The following SLU7 variants were observed in gnomAD, a reference collection of about 807,000 sequenced individuals.
SLU7 encodes spliceosome associated SLU7.
SLU7 carries 60 observed loss-of-function variants against 87.0 expected under a neutral mutation model. The observed-to-expected ratio is 0.69, with a 90% CI of 0.56 to 0.86. SLU7 has a LOEUF of 0.86. SLU7 is among the 40% of genes least tolerant of loss of function. The pLI is 0.00. For missense variants in SLU7, 507 were observed against 686.6 expected, an observed-to-expected ratio of 0.74 and a Z score of 2.92; for synonymous variants, 197 against 222.0, an observed-to-expected ratio of 0.89 and a Z score of 1.00.
At chr5:160,413,817 A>T in intron 4 of SLU7, 82 bp downstream of exon 4, 1 of 1,119,654 alleles carries the variant, frequency 8.9e-7, no homozygotes, top group Non-Finnish European at 1.3e-6. Flanking sequence ...AGGTGATTTC[A>T]GAAAAAGAGA....
intron 1 of SLU7, 72 bp from the exon 2 acceptor site, chr5:160,415,382 C>T (rs1020471792): frequency 2.7e-6 from 3 of 1,130,134 alleles, no homozygotes; most frequent in Non-Finnish European, 3.7e-6. Context: ...AAAAATACAT[C>T]CTAATAATAT....
rs1310747201 is a variant in SLU7, at chr5:160,404,448, A to G, written c.1573T>C (p.Leu525=). Residue 525 remains leucine, a synonymous_variant, in exon 15 of 16, where the codon TTG becomes CTG. Coordinates refer to ENST00000297151, the MANE Select transcript of SLU7 (RefSeq NM_006425.5). ...TAGACTTCACAAATTACCTTTTTCA[A>G]TTTTTCATGCTTCTTTTCTTCATCA... is the stretch of plus-strand genomic sequence containing the variant. ...SDDEEKKHEK[L]KKALNAEEAR... 4.4e-6 allele frequency: 7 copies of G among 1,576,368 alleles called. No homozygotes were observed. The Admixed American group carries it at 1.3e-4, about 28-fold the overall frequency.
intron 2 of SLU7, among the ~76,000 whole-genome samples, chr5:160,414,873 A>C (rs1299010963): frequency 6.6e-6 from 1 of 152,224 alleles, no homozygotes; most frequent in Non-Finnish European, 1.5e-5. Context: ...CTCAAAATAG[A>C]AAGATTTCAT....
At position 160,418,141 on chromosome 5, in the gene SLU7, T is replaced by C. The variant is rs1765535428; in HGVS notation, c.-17+882A>G. ...ACATATATTTGTGTAACATATAAAC[T>C]GATGGCCTAAATATACTGCGAAGAG... On this transcript the variant is annotated intron_variant, in intron 1 of 15. Transcript: ENST00000297151. 2.0e-5 allele frequency among the ~76,000 whole-genome samples: 3 copies of C among 152,210 alleles called. No homozygotes were observed. The South Asian group carries it at 6.2e-4, about 32-fold the overall frequency.
chr5:160,412,544 AAGAAAG>A, intron 5 of SLU7, 25 bp from the exon 6 acceptor site: 3 of 1,376,084 alleles, frequency 2.2e-6, no homozygotes, highest in Non-Finnish European at 2.0e-6. Flanking sequence ...AAAAGAAAGA[AAGAAAG>A]AAAAAGTAAA....
intron 6 of SLU7, among the ~76,000 whole-genome samples, chr5:160,409,293 A>G (rs1765137894): frequency 6.6e-6 from 1 of 152,186 alleles, no homozygotes; most frequent in South Asian, 2.1e-4. Context: ...TCCTTGTCAC[A>G]AGGATACACT....
At chr5:160,416,624 C>G (rs1233755112) in intron 1 of SLU7, among the ~76,000 whole-genome samples, 1 of 152,206 alleles carries the variant, frequency 6.6e-6, no homozygotes, top group African/African-American at 2.4e-5. Context: ...ATCCCTACAT[C>G]TATCTCATCA....
chr5:160,418,851 T>C (rs1173916172), intron 1 of SLU7, 172 bp downstream of exon 1: 1 of 152,224 alleles, frequency 6.6e-6, no homozygotes, highest in Non-Finnish European at 1.5e-5. Flanking sequence ...AGGGCACGAG[T>C]GCCATGAATG....
chr5:160,406,093 G>A (rs1156690829), intron 12 of SLU7, among the ~76,000 whole-genome samples: 5 of 152,090 alleles, frequency 3.3e-5, no homozygotes, highest in South Asian at 2.1e-4. Flanking sequence ...GTGATACAGC[G>A]TTTATGGATA....
chr5:160,410,442 T>G (rs1028141442), intron 6 of SLU7, among the ~76,000 whole-genome samples: 11 of 152,110 alleles, frequency 7.2e-5, no homozygotes, highest in African/African-American at 2.4e-4. Flanking sequence ...CGGGGAGAGA[T>G]AGCATTAGGA....
In SLU7 at chr5:160,407,407, A is replaced by G; in HGVS notation, c.1125+69T>C. 7.1e-7 allele frequency: 1 copy of G among 1,400,174 alleles called. No individual in the cohort carries two copies. Among genetic ancestry groups the G allele is most frequent in the Non-Finnish European group, 9.8e-7 (1 of 1,025,474 alleles). The allele number at this position is 1,400,174 out of a possible 1,614,324, so 86.7% of individuals were successfully genotyped here. ...TCTTTGCATTATTTTCCAAATGTAA[A>G]ACTAACGCTTATTAACTAGTAACTT... On this transcript the variant is annotated intron_variant, in intron 11 of 15. Transcript: ENST00000297151. The surrounding 1 kb of genome is among the most constrained non-coding windows in gnomAD (Gnocchi z 4.2).
In SLU7 at chr5:160,408,642, T is replaced by G; in HGVS notation, c.687+8A>C. Reference sequence around the variant, plus strand: ...AACATATACTCAGAGACAGCAAATATGTATTACCATCTGAGAATTTGGTTC... The same window carrying G: ...AACATATACTCAGAGACAGCAAATAGGTATTACCATCTGAGAATTTGGTTC... On this transcript the variant is annotated splice_region_variant and intron_variant, in intron 7 of 15. Coordinates refer to ENST00000297151, the MANE Select transcript of SLU7 (RefSeq NM_006425.5). The G allele has an allele frequency of 6.5e-7, 1 of 1,533,644 alleles. No individual in the cohort carries two copies.
chr5:160,412,758 G>A (rs1005221732), intron 5 of SLU7, among the ~76,000 whole-genome samples: 3 of 152,034 alleles, frequency 2.0e-5, no homozygotes, highest in Non-Finnish European at 4.4e-5. Context: ...TGTAAACTGA[G>A]CCAAATGGCA....
At chr5:160,403,772 G>C (rs1329177217) in intron 15 of SLU7, among the ~76,000 whole-genome samples, 1 of 152,156 alleles carries the variant, frequency 6.6e-6, no homozygotes, top group African/African-American at 2.4e-5. Flanking sequence ...TGATGCTTCT[G>C]GTAGAGACTA....
At chr5:160,416,093 C>T (rs187093937) in intron 1 of SLU7, among the ~76,000 whole-genome samples, 34 of 152,202 alleles carry the variant, frequency 2.2e-4, no homozygotes, top group Non-Finnish European at 4.6e-4. Context: ...AGGATTTCAC[C>T]ACACTGGCCA....
In SLU7 at chr5:160,402,094, T is replaced by C. The variant is rs1764805361; in HGVS notation, c.*1191A>G. The C allele has an allele frequency of 6.6e-6, 1 of 152,242 alleles. No homozygotes were observed. Among genetic ancestry groups the C allele is most frequent in the African/African-American group, 2.4e-5 (1 of 41,450 alleles). 9.4% of individuals were successfully genotyped at this position (152,242 alleles called of 1,614,324 possible). A position where few individuals can be genotyped will look rare whatever the true frequency, so the allele number is the denominator to read the frequency against. ...TACTAATATCCCTAGAAGCTATCCT[T>C]ATAATTCTTTCAATAAACCAACTTC... On this transcript the variant is annotated 3_prime_UTR_variant, in exon 16 of 16. Coordinates refer to ENST00000297151, the MANE Select transcript of SLU7 (RefSeq NM_006425.5).
At chr5:160,416,441 G>A (rs1340376095) in intron 1 of SLU7, among the ~76,000 whole-genome samples, 1 of 152,170 alleles carries the variant, frequency 6.6e-6, no homozygotes, top group Non-Finnish European at 1.5e-5. Context: ...CTGAGCTTCA[G>A]ATACATATAT....
Position 160,403,283 on chromosome 5 carries a change from T to G in SLU7, c.*2A>C, listed in dbSNP as rs185058527. 62 of 1,589,538 alleles carry G rather than the reference T, an allele frequency of 3.9e-5. 1 individual carries two copies. In the East Asian group the frequency reaches 9.9e-4, roughly 25 times the overall value. On this transcript the variant is annotated 3_prime_UTR_variant, in exon 16 of 16. Coordinates refer to ENST00000297151, the MANE Select transcript of SLU7 (RefSeq NM_006425.5). ...TATCTTGGATGGTCTTCTGACTAGTTGCTACTGTCCAAGGAAAGAGGCCAT... is the reference window on the plus strand; with the variant it reads ...TATCTTGGATGGTCTTCTGACTAGTGGCTACTGTCCAAGGAAAGAGGCCAT...
At chr5:160,403,522 A>G in intron 15 of SLU7, 58 bp from the exon 16 acceptor site, 1 of 1,455,192 alleles carries the variant, frequency 6.9e-7, no homozygotes, top group Non-Finnish European at 9.2e-7. Context: ...CTTTTCTTCA[A>G]AAGTGGCAGA....
Sources: allele counts gnomAD v4.1 joint callset (sites outside exome capture counted in the v4.1 genomes callset), GRCh38; gene constraint gnomAD v4.1.1; non-coding constraint Gnocchi (gnomAD v3.1); transcripts MANE v1.5; gene names NCBI Gene and HGNC (gene_info 2026-07-23, HGNC 2026-07-21).